Variants in MTHFS observed in about 807,000 individuals in gnomAD.
The protein encoded by MTHFS is 5-formyltetrahydrofolate cyclo-ligase.
A neutral mutation model predicts 12.7 loss-of-function variants in MTHFS; 7 were observed. The ratio of observed to expected loss-of-function variants is 0.55; its 90% CI spans 0.31 to 1.03. MTHFS has a LOEUF of 1.03. MTHFS is among the 50% of genes least tolerant of loss of function. MTHFS has a pLI of 0.05. For synonymous variants in MTHFS, 100 were observed against 97.1 expected (o/e 1.03, Z -0.18); for missense variants, 252 against 258.1 (o/e 0.98, Z 0.16).
In MTHFS at chr15:79,863,554, T is replaced by C. The variant is rs2033954382; in HGVS notation, c.380-18112A>G. 2.0e-5 allele frequency among the ~76,000 whole-genome samples: 3 copies of C among 152,200 alleles called. No individual in the cohort carries two copies. In the South Asian group the frequency reaches 6.2e-4, roughly 31 times the overall value. ...GACATCATTCTCTCTTTCTCCTTAG[T>C]AGCAGAAAACTTTACTCAGGAGGCC... is the stretch of plus-strand genomic sequence containing the variant. On this transcript the variant is annotated intron_variant, in intron 2 of 2. Coordinates refer to ENST00000258874, the MANE Select transcript of MTHFS (RefSeq NM_006441.4).
chr15:79,895,827 C>T (rs934904641), intron 1 of MTHFS, among the ~76,000 whole-genome samples: 8 of 152,218 alleles, frequency 5.3e-5, no homozygotes, highest in Admixed American at 3.3e-4. Flanking sequence ...GATGGTATAA[C>T]TAATTCCAAG....
At chr15:79,857,739 G>A (rs928136045) in intron 2 of MTHFS, among the ~76,000 whole-genome samples, 9 of 152,058 alleles carry the variant, frequency 5.9e-5, no homozygotes, top group Non-Finnish European at 1.2e-4. Flanking sequence ...CCCAAAATCC[G>A]GCTGGGCACA....
chr15:79,897,186 C>T, upstream of MTHFS: 2 of 486,760 alleles, frequency 4.1e-6, no homozygotes, highest in Non-Finnish European at 7.0e-6. Flanking sequence ...TGGGACCCAG[C>T]CCTCGTGCGG....
chr15:79,860,113 G>A (rs1276261915), intron 2 of MTHFS, among the ~76,000 whole-genome samples: 1 of 152,100 alleles, frequency 6.6e-6, no homozygotes, highest in Non-Finnish European at 1.5e-5. Context: ...AAATTGGCCA[G>A]GCGTGGTGGC....
At chr15:79,852,556 C>T (rs1193617647) in intron 2 of MTHFS, among the ~76,000 whole-genome samples, 2 of 152,182 alleles carry the variant, frequency 1.3e-5, no homozygotes, top group East Asian at 1.9e-4. Context: ...CTGAATCAAA[C>T]ACACCGTAGT....
chr15:79,889,417 TTCC>T lies in MTHFS; in HGVS notation c.118-66_118-64del, dbSNP rs1022886850. 4 of 1,466,252 alleles carry T rather than the reference TTCC, an allele frequency of 2.7e-6. No individual in the cohort carries two copies. In the Admixed American group the frequency reaches 6.2e-5, roughly 23 times the overall value. The allele number at this position is 1,466,252 out of a possible 1,614,324, so 90.8% of individuals were successfully genotyped here. A position where few individuals can be genotyped will look rare whatever the true frequency, so the allele number is the denominator to read the frequency against. Reference sequence around the variant, plus strand: ...TATATTTAGCAACTCCTCTTAACAATTCCTCCTTTCTCTCTCAGCCTTCTCCAA... The same window carrying T: ...TATATTTAGCAACTCCTCTTAACAATTCCTTTCTCTCTCAGCCTTCTCCAA... On this transcript the variant is annotated intron_variant, in intron 1 of 2. Transcript: ENST00000258874.
At position 79,896,829 on chromosome 15, in the gene MTHFS, G is replaced by A. The variant is rs868781547; in HGVS notation, c.117+43C>T. 3.2e-5 allele frequency: 49 copies of A among 1,537,810 alleles called. No individual in the cohort carries two copies. The Middle Eastern group carries it at 8.4e-4, about 26-fold the overall frequency. On this transcript the variant is annotated intron_variant, in intron 1 of 2. Transcript: ENST00000258874. ...GCAATCGCTGGCCGCCAGGCCTTCG[G>A]AGGGTCTGTCCGCCGCGGCTTCCGC...
At chr15:79,862,067 T>C (rs377573451) in intron 2 of MTHFS, among the ~76,000 whole-genome samples, 189 of 152,238 alleles carry the variant, frequency 1.2e-3, no homozygotes, top group African/African-American at 4.2e-3. Context: ...CTCTACTGTT[T>C]GGCTTTTTTT....
chr15:79,870,581 A>G (rs2034083997), intron 2 of MTHFS, among the ~76,000 whole-genome samples: 1 of 152,224 alleles, frequency 6.6e-6, no homozygotes, highest in Non-Finnish European at 1.5e-5. Flanking sequence ...ACCATGCTGA[A>G]AAAAACTACT....
At chr15:79,897,020 CGGCGCCCTG>C (rs750875051), upstream of MTHFS, 284 of 1,497,286 alleles carry the variant, frequency 1.9e-4, no homozygotes, top group Middle Eastern at 2.3e-4. Context: ...GTCCCGCCCT[CGGCGCCCTG>C]GGCGCCCTCG....
chr15:79,845,051 A>G lies in MTHFS; in HGVS notation c.*159T>C. ...TATTCACACTTCTATTGGTTTTTAA[A>G]GATGGTTTTATATAAGGTATTTCAT... is the stretch of plus-strand genomic sequence containing the variant. On this transcript the variant is annotated 3_prime_UTR_variant, in exon 3 of 3. Coordinates refer to ENST00000258874, the MANE Select transcript of MTHFS (RefSeq NM_006441.4). The G allele has an allele frequency of 2.0e-6, 2 of 981,738 alleles. 1 individual carries two copies. The highest frequency in any genetic ancestry group is 2.9e-6 in the Non-Finnish European group (2 of 687,152). 60.8% of individuals were successfully genotyped at this position (981,738 alleles called of 1,614,324 possible).
At chr15:79,872,103 CAAAA>C (rs58835744) in intron 2 of MTHFS, among the ~76,000 whole-genome samples, 1 of 66,772 alleles carries the variant, frequency 1.5e-5, no homozygotes, top group Non-Finnish European at 2.9e-5. Flanking sequence ...GACTCCGTCT[CAAAA>C]AAAAAAAAAA....
At chr15:79,870,984 A>T (rs2034095082) in intron 2 of MTHFS, among the ~76,000 whole-genome samples, 1 of 152,164 alleles carries the variant, frequency 6.6e-6, no homozygotes, top group Non-Finnish European at 1.5e-5. Flanking sequence ...TCTACTAAAA[A>T]TACAAAAAAT....
chr15:79,870,142 T>C (rs538561573), intron 2 of MTHFS, among the ~76,000 whole-genome samples: 152 of 152,272 alleles, frequency 1.0e-3, no homozygotes, highest in African/African-American at 3.4e-3. Context: ...AAAACAAGTT[T>C]CTTACAAAGG....
intron 1 of MTHFS, among the ~76,000 whole-genome samples, chr15:79,894,318 T>G (rs1259840274): frequency 6.6e-6 from 1 of 152,070 alleles, no homozygotes; most frequent in Non-Finnish European, 1.5e-5. Flanking sequence ...GAGGCAGAGG[T>G]TGCAGTGAGC....
intron 2 of MTHFS, among the ~76,000 whole-genome samples, chr15:79,857,807 G>A (rs1048321991): frequency 6.6e-5 from 10 of 151,994 alleles, no homozygotes; most frequent in African/African-American, 2.4e-4. Flanking sequence ...ACGAGGTCAG[G>A]AGTTCGAGAC....
intron 2 of MTHFS, among the ~76,000 whole-genome samples, chr15:79,883,418 A>T (rs36018162): frequency 0.1 from 15,823 of 152,216 alleles, 1,066 homozygotes; most frequent in South Asian, 0.2. Flanking sequence ...CATAAACCAT[A>T]TGACTAGGTA....
rs553570811 is a variant in MTHFS at position 79,881,403 on chromosome 15, A to G, written c.379+7690T>C. Among the ~76,000 whole-genome samples the G allele has an allele frequency of 1.7e-4, 26 of 152,348 alleles. No individual in the cohort carries two copies. The South Asian group carries it at 4.6e-3, about 27-fold the overall frequency. Reference sequence around the variant, plus strand: ...GGGAGTTAACAAGAAGTAAATTACCATTCTCTGAAATGAGGATATATTCTA... The same window carrying G: ...GGGAGTTAACAAGAAGTAAATTACCGTTCTCTGAAATGAGGATATATTCTA... On this transcript the variant is annotated intron_variant, in intron 2 of 2. Coordinates refer to ENST00000258874, the MANE Select transcript of MTHFS (RefSeq NM_006441.4).
rs2033585452 is a variant in MTHFS at position 79,845,140 on chromosome 15, A to T, written c.*70T>A. Reference sequence around the variant, plus strand: ...GAACAATTTCAACTAATTTTTGACAAGGGAAAAATACACATACTTTGCTTT... The same window carrying T: ...GAACAATTTCAACTAATTTTTGACATGGGAAAAATACACATACTTTGCTTT... On this transcript the variant is annotated 3_prime_UTR_variant, in exon 3 of 3. Transcript: ENST00000258874. 6.4e-7 allele frequency: 1 copy of T among 1,560,290 alleles called. No individual in the cohort carries two copies. The highest frequency in any genetic ancestry group is 8.7e-7 in the Non-Finnish European group (1 of 1,151,030).
Sources: allele counts gnomAD v4.1 joint callset (sites outside exome capture counted in the v4.1 genomes callset), GRCh38; gene constraint gnomAD v4.1.1; transcripts MANE v1.5; gene names NCBI Gene and HGNC (gene_info 2026-07-23, HGNC 2026-07-21).